The following MID1 variants were observed in gnomAD, a reference collection of about 807,000 sequenced individuals.
MID1 encodes the protein E3 ubiquitin-protein ligase Midline-1.
A neutral mutation model predicts 40.4 loss-of-function variants in MID1; 7 were observed. The ratio of observed to expected loss-of-function variants is 0.17; its 90% confidence interval spans 0.10 to 0.33. MID1 has a LOEUF of 0.33. Among genes scored for constraint, MID1 ranks in the 10% least tolerant of loss-of-function variants. MID1 has a pLI of 1.00. For synonymous variants in MID1, 229 were observed against 221.2 expected, an observed-to-expected ratio of 1.04 and a Z score of -0.31; for missense variants, 367 against 558.5, an observed-to-expected ratio of 0.66 and a Z score of 3.46.
chrX:10,559,508 CTATA>C (rs1003049698), intron 2 of MID1, among the ~76,000 whole-genome samples: 11 of 112,383 alleles, frequency 9.8e-5, no homozygotes, highest in Non-Finnish European at 1.3e-4. Context: ...GTTTGAAAAA[CTATA>C]TAGGGTTACA....
intron 1 of MID1, among the ~76,000 whole-genome samples, chrX:10,605,757 A>G (rs1935613474): frequency 8.9e-6 from 1 of 111,874 alleles, no homozygotes; most frequent in Non-Finnish European, 1.9e-5. Flanking sequence ...TTTCTTCATA[A>G]ATTTTCTTAT....
chrX:10,687,960 C>T (rs1315990339), intron 1 of MID1, among the ~76,000 whole-genome samples: 1 of 111,237 alleles, frequency 9.0e-6, no homozygotes, highest in Admixed American at 9.6e-5. Flanking sequence ...TCAAGTGATC[C>T]TCCTCCCGTC....
chrX:10,481,857 T>A, intron 5 of MID1, among the ~76,000 whole-genome samples: 1 of 112,438 alleles, frequency 8.9e-6, no homozygotes, highest in East Asian at 2.8e-4. Context: ...TCTTTGCCAG[T>A]TTTACTGCTG....
rs931441781 is a variant in MID1, at chrX:10,605,259, T to C, written c.-57+15031A>G. ...TTGGGGTTCTGGCAACTCTTTGCTA[T>C]ATAACTCTAAAAATTAATTAACCTC... On this transcript the variant is annotated intron_variant, in intron 1 of 9. Coordinates refer to ENST00000317552, the MANE Select transcript of MID1 (RefSeq NM_000381.4). Among the ~76,000 whole-genome samples the C allele has an allele frequency of 2.7e-5, 3 of 112,025 alleles. 1 individual carries two copies. The highest frequency in any genetic ancestry group is 5.6e-5 in the Non-Finnish European group (3 of 53,173).
intron 1 of MID1, among the ~76,000 whole-genome samples, chrX:10,741,546 T>C (rs375657088): frequency 8.2e-5 from 9 of 109,465 alleles, no homozygotes; most frequent in Non-Finnish European, 1.3e-4. Context: ...CTTTTTTTTT[T>C]CCACTTATTA....
chrX:10,649,445 T>G (rs768994014), intron 1 of MID1, among the ~76,000 whole-genome samples: 1 of 112,210 alleles, frequency 8.9e-6, no homozygotes, highest in Admixed American at 9.5e-5. Flanking sequence ...CTCCTTCTAG[T>G]TGGATCACAT....
At chrX:10,522,041 C>T (rs777128856) in intron 3 of MID1, among the ~76,000 whole-genome samples, 9 of 111,420 alleles carry the variant, frequency 8.1e-5, no homozygotes, top group Non-Finnish European at 1.3e-4. Flanking sequence ...GGGTTTTTGC[C>T]ATGTTGCCCA....
At chrX:10,701,307 A>G (rs2043192561) in intron 1 of MID1, among the ~76,000 whole-genome samples, 1 of 112,067 alleles carries the variant, frequency 8.9e-6, no homozygotes, top group Admixed American at 9.5e-5. Flanking sequence ...AAAGTGGTGA[A>G]GCCATTCAAA....
chrX:10,798,333 G>T (rs770890606), intron 1 of MID1, among the ~76,000 whole-genome samples: 2 of 111,934 alleles, frequency 1.8e-5, no homozygotes, highest in African/African-American at 3.2e-5. Context: ...ATCAAAAGCA[G>T]ATATGTTGCT....
rs200251008 is a variant in MID1, at chrX:10,754,309, G to GTTTTTTTTTTTTT, written c.-187+79244_-187+79245insAAAAAAAAAAAAA. Among the ~76,000 whole-genome samples the GTTTTTTTTTTTTT allele has an allele frequency of 4.8e-4, 50 of 104,576 alleles. 1 individual carries two copies. The highest frequency in any genetic ancestry group is 1.8e-3 in the African/African-American group (46 of 25,103). 90.8% of individuals were successfully genotyped at this position (104,576 alleles called of 115,157 possible). A position where few individuals can be genotyped will look rare whatever the true frequency, so the allele number is the denominator to read the frequency against. Reference sequence around the variant, plus strand: ...AGAATAGACAAGAGAGTTTTTTTTTGTTTTTTGTTTTTTGTTTTTTTTGTC... The same window carrying GTTTTTTTTTTTTT: ...AGAATAGACAAGAGAGTTTTTTTTTGTTTTTTTTTTTTTTTTTTTGTTTTTTGTTTTTTTTGTC... On this transcript the variant is annotated intron_variant, in intron 1 of 10. Coordinates refer to the MID1 transcript ENST00000380785.
chrX:10,591,259 A>G (rs1354256244), intron 1 of MID1, among the ~76,000 whole-genome samples: 1 of 112,229 alleles, frequency 8.9e-6, no homozygotes, highest in Non-Finnish European at 1.9e-5. Context: ...TGAAAAAACA[A>G]ATTTGAATGC....
At chrX:10,778,688 C>T (rs913834053) in intron 1 of MID1, among the ~76,000 whole-genome samples, 8 of 112,087 alleles carry the variant, frequency 7.1e-5, no homozygotes, top group African/African-American at 2.6e-4. Flanking sequence ...TTAAAGACAC[C>T]TTAGTGTTGG....
intron 1 of MID1, among the ~76,000 whole-genome samples, chrX:10,724,532 C>T (rs930458822): frequency 8.9e-6 from 1 of 111,794 alleles, no homozygotes; most frequent in African/African-American, 3.3e-5. Context: ...TATAGTAATT[C>T]AATAAAAGAG....
At chrX:10,505,902 G>T in intron 3 of MID1, 3 of 753,730 alleles carry the variant, frequency 4.0e-6, no homozygotes, top group Non-Finnish European at 4.7e-6. Flanking sequence ...AGTTACTCAG[G>T]TATAGAAGCC....
intron 1 of MID1, among the ~76,000 whole-genome samples, chrX:10,804,085 T>C (rs756992727): frequency 4.9e-4 from 55 of 112,300 alleles, no homozygotes; most frequent in African/African-American, 1.6e-3. Context: ...TTCATTTCTG[T>C]TACAGTGTTT....
chrX:10,501,339 C>T, intron 3 of MID1: 1 of 998,071 alleles, frequency 1.0e-6, no homozygotes. Flanking sequence ...ATTAGCCCAC[C>T]AGTATGAGAA....
intron 2 of MID1, among the ~76,000 whole-genome samples, chrX:10,543,347 A>C (rs1489283190): frequency 8.9e-6 from 1 of 112,196 alleles, no homozygotes; most frequent in Non-Finnish European, 1.9e-5. Flanking sequence ...GTTTGGCAGT[A>C]GAAATAATAG....
chrX:10,806,059 A>G (rs1262431296), intron 1 of MID1, among the ~76,000 whole-genome samples: 16 of 106,172 alleles, frequency 1.5e-4, no homozygotes, highest in Non-Finnish European at 2.3e-4. Context: ...TTTGCTGTGC[A>G]GAAGCTCTTT....
At position 10,506,473 on chromosome X, in the gene MID1, C is replaced by T. The variant is rs7065297; in HGVS notation, c.757-10782G>A. On this transcript the variant is annotated intron_variant, in intron 3 of 9. Transcript: ENST00000317552. ...CATTGGGCAACTCTGGGAAACAGTA[C>T]AGAACATTCCAGCTAATAGGGAAGA... is the stretch of plus-strand genomic sequence containing the variant. 15,753 of 535,907 alleles carry T rather than the reference C, an allele frequency of 0.029. 697 individuals are homozygous for T. Among genetic ancestry groups the T allele is most frequent in the African/African-American group, 0.19 (8,333 of 43,474 alleles). The allele number at this position is 535,907 out of a possible 1,213,427, so 44.2% of individuals were successfully genotyped here.
Sources: allele counts gnomAD v4.1 joint callset (sites outside exome capture counted in the v4.1 genomes callset), GRCh38; gene constraint gnomAD v4.1.1; transcripts MANE v1.5; gene names NCBI Gene and HGNC (gene_info 2026-07-23, HGNC 2026-07-21).